The following PDSS2 variants were observed in gnomAD, a reference collection of about 807,000 sequenced individuals.
PDSS2 encodes all trans-polyprenyl-diphosphate synthase PDSS2.
PDSS2 carries 31 observed loss-of-function variants against 44.5 expected under a neutral mutation model. The observed-to-expected ratio is 0.70, with a 90% CI of 0.52 to 0.94. The LOEUF (loss-of-function observed/expected upper bound fraction) is 0.94, where lower values mean the gene tolerates loss of function less well. Ranked by LOEUF, PDSS2 falls within the 40% of genes least tolerant of loss-of-function variation. PDSS2 has a pLI of 0.00. For missense variants in PDSS2, 452 were observed against 482.2 expected (o/e 0.94, Z 0.59); for synonymous variants, 157 against 180.3 (o/e 0.87, Z 1.03).
At chr6:107,379,251 T>C (rs1250636265) in intron 1 of PDSS2, among the ~76,000 whole-genome samples, 2 of 152,254 alleles carry the variant, frequency 1.3e-5, no homozygotes, top group Non-Finnish European at 2.9e-5. Flanking sequence ...TCTGGCTTTA[T>C]TGCATTTTGA....
rs185834594 is a variant in PDSS2 at position 107,223,628 on chromosome 6, C to T, written c.703-11346G>A. On this transcript the variant is annotated intron_variant, in intron 4 of 7. Transcript: ENST00000369037. ...ACATGGGAGGCTGAGGTGGGGAGAT[C>T]GCTTGAGTCCAGGAGGTCAAGGCTG... Among the ~76,000 whole-genome samples, 33 of 151,204 alleles carry T rather than the reference C, an allele frequency of 2.2e-4. No individual in the cohort carries two copies. In the East Asian group the frequency reaches 5.6e-3, roughly 26 times the overall value.
intron 3 of PDSS2, among the ~76,000 whole-genome samples, chr6:107,249,143 C>T (rs970030194): frequency 6.6e-6 from 1 of 152,114 alleles, no homozygotes; most frequent in African/African-American, 2.4e-5. Context: ...ACTAAGTTGG[C>T]CATATCGTGA....
At chr6:107,355,846 G>A (rs1279848458) in intron 1 of PDSS2, among the ~76,000 whole-genome samples, 1 of 152,144 alleles carries the variant, frequency 6.6e-6, no homozygotes, top group Non-Finnish European at 1.5e-5. Flanking sequence ...AGGATTTCTG[G>A]GAGCGGGGCC....
At chr6:107,285,986 G>A (rs577300673) in intron 2 of PDSS2, among the ~76,000 whole-genome samples, 5 of 151,874 alleles carry the variant, frequency 3.3e-5, no homozygotes, top group Admixed American at 6.6e-5. Flanking sequence ...CTAAAAATAC[G>A]AAAATTAGCT....
At chr6:107,245,456 A>C (rs1402366277) in intron 4 of PDSS2, 92 bp downstream of exon 4, 1 of 538,106 alleles carries the variant, frequency 1.9e-6, no homozygotes. Flanking sequence ...GCCATGTACA[A>C]TTTAAACACA....
At chr6:107,440,229 T>C (rs1175105219) in intron 1 of PDSS2, among the ~76,000 whole-genome samples, 1 of 152,216 alleles carries the variant, frequency 6.6e-6, no homozygotes, top group Non-Finnish European at 1.5e-5. Flanking sequence ...TATTCTGTAT[T>C]TGGATGTGAT....
intron 6 of PDSS2, among the ~76,000 whole-genome samples, chr6:107,203,947 A>AT (rs57335281): frequency 0.18 from 25,660 of 144,270 alleles, 2,736 homozygotes; most frequent in African/African-American, 0.3. Context: ...ACTTATTATA[A>AT]TTTTTTTTTT....
intron 3 of PDSS2, among the ~76,000 whole-genome samples, chr6:107,262,244 C>G (rs1775265991): frequency 6.6e-6 from 1 of 152,042 alleles, no homozygotes; most frequent in African/African-American, 2.4e-5. Flanking sequence ...CAAGAACAGC[C>G]TAACACACTG....
Position 107,289,978 on chromosome 6 carries a change from C to A in PDSS2, c.432-15751G>T, listed in dbSNP as rs142719371. Among the ~76,000 whole-genome samples, 398 of 152,172 alleles carry A rather than the reference C, an allele frequency of 2.6e-3. 2 individuals are homozygous for A. The highest frequency in any genetic ancestry group is 8.6e-3 in the African/African-American group (356 of 41,538). On this transcript the variant is annotated intron_variant, in intron 2 of 7. Coordinates refer to ENST00000369037, the MANE Select transcript of PDSS2 (RefSeq NM_020381.4). ...TTTTAAAAAATGTTTTTTGTAGAGACAGGGTTTCACTTTGTTGCCCAGTCC... is the reference window on the plus strand; with the variant it reads ...TTTTAAAAAATGTTTTTTGTAGAGAAAGGGTTTCACTTTGTTGCCCAGTCC...
At chr6:107,219,985 T>C (rs1773545928) in intron 4 of PDSS2, among the ~76,000 whole-genome samples, 1 of 152,182 alleles carries the variant, frequency 6.6e-6, no homozygotes, top group Non-Finnish European at 1.5e-5. Context: ...TTCGAAAACA[T>C]TATGCTAAGT....
At chr6:107,177,205 A>G (rs1445706879) in intron 7 of PDSS2, among the ~76,000 whole-genome samples, 1 of 141,936 alleles carries the variant, frequency 7.0e-6, no homozygotes, top group African/African-American at 2.7e-5. Context: ...ATCTTGGCTC[A>G]CTGCAACCTC....
intron 1 of PDSS2, among the ~76,000 whole-genome samples, chr6:107,402,092 A>T (rs1467716534): frequency 6.6e-6 from 1 of 152,144 alleles, no homozygotes; most frequent in African/African-American, 2.4e-5. Flanking sequence ...CAGTCTGGTC[A>T]ACATGATGAA....
intron 4 of PDSS2, among the ~76,000 whole-genome samples, chr6:107,232,972 T>C (rs113479628): frequency 1.8e-4 from 28 of 152,104 alleles, no homozygotes; most frequent in African/African-American, 6.3e-4. Context: ...TGTACCACCA[T>C]ATCTAGCTAA....
At chr6:107,433,404 T>C (rs1781254263) in intron 1 of PDSS2, among the ~76,000 whole-genome samples, 1 of 152,192 alleles carries the variant, frequency 6.6e-6, no homozygotes, top group South Asian at 2.1e-4. Context: ...AGCATGGTAC[T>C]GGCATAAAAA....
intron 4 of PDSS2, among the ~76,000 whole-genome samples, chr6:107,244,069 G>A (rs1774528645): frequency 6.6e-6 from 1 of 152,136 alleles, no homozygotes; most frequent in Non-Finnish European, 1.5e-5. Context: ...CTGAGGTTGT[G>A]GTGAGCCGAG....
At position 107,223,487 on chromosome 6, in the gene PDSS2, A is replaced by G. The variant is rs1773685971; in HGVS notation, c.703-11205T>C. On this transcript the variant is annotated intron_variant, in intron 4 of 7. Coordinates refer to ENST00000369037, the MANE Select transcript of PDSS2 (RefSeq NM_020381.4). The stretch of plus-strand genomic sequence containing the variant: ...GAGGTGGAGGTTGCAGTGAGCTGAG[A>G]TCATGCCACCACGCTCCAGGATGGG... Among the ~76,000 whole-genome samples the G allele has an allele frequency of 1.3e-5, 2 of 150,934 alleles. 1 individual carries two copies. Among genetic ancestry groups the G allele is most frequent in the African/African-American group, 4.9e-5 (2 of 40,434 alleles).
chr6:107,396,972 G>A (rs1226141042), intron 1 of PDSS2, among the ~76,000 whole-genome samples: 2 of 152,120 alleles, frequency 1.3e-5, no homozygotes, highest in African/African-American at 4.8e-5. Flanking sequence ...GGTTACAGGT[G>A]TAAGCCACTG....
Position 107,274,212 on chromosome 6 carries a change from T to TGC in PDSS2, c.445_446dup (p.Glu150GlnfsTer6). The TGC allele has an allele frequency of 6.2e-7, 1 of 1,613,298 alleles. No homozygotes were observed. Among genetic ancestry groups the TGC allele is most frequent in the Non-Finnish European group, 8.5e-7 (1 of 1,179,158 alleles). ...CAATATGAATTAGCTCCGTGATCTC[T>TGC]GCCAAACTTCTTTGACTAAAACATA... is the stretch of plus-strand genomic sequence containing the variant. On this transcript the variant is annotated frameshift_variant, in exon 3 of 8. Coordinates refer to ENST00000369037, the MANE Select transcript of PDSS2 (RefSeq NM_020381.4). LOFTEE classifies it high-confidence loss of function.
rs1777157101 is a variant in PDSS2, at chr6:107,314,997, A to G, written c.431+19201T>C. Among the ~76,000 whole-genome samples, 5 of 152,378 alleles carry G rather than the reference A, an allele frequency of 3.3e-5. No individual in the cohort carries two copies. The South Asian group carries it at 8.3e-4, about 25-fold the overall frequency. ...GACATCAACTGACAAAAGTCACAAA[A>G]TTAAAGTTAATGAAGTACCAACCTG... On this transcript the variant is annotated intron_variant, in intron 2 of 7. Transcript: ENST00000369037.
Sources: allele counts gnomAD v4.1 joint callset (sites outside exome capture counted in the v4.1 genomes callset), GRCh38; gene constraint gnomAD v4.1.1; transcripts MANE v1.5; gene names NCBI Gene and HGNC (gene_info 2026-07-23, HGNC 2026-07-21).